NECTIN3: variants seen among roughly 807,000 people sequenced by gnomAD.
NECTIN3 encodes the protein nectin-3.
NECTIN3 carries 8 observed loss-of-function variants against 49.4 expected under a neutral mutation model. The ratio of observed to expected loss-of-function variants is 0.16; its 90% confidence interval spans 0.10 to 0.29. The LOEUF (loss-of-function observed/expected upper bound fraction) is 0.29. Ranked by LOEUF, NECTIN3 falls within the 10% of genes least tolerant of loss-of-function variation. NECTIN3 has a pLI of 1.00. For synonymous variants in NECTIN3, 277 were observed against 241.1 expected, an observed-to-expected ratio of 1.15 and a Z score of -1.38; for missense variants, 581 against 654.6, an observed-to-expected ratio of 0.89 and a Z score of 1.23.
At chr3:111,192,598 G>A (rs1033298405) in intron 1 of NECTIN3, among the ~76,000 whole-genome samples, 2 of 152,070 alleles carry the variant, frequency 1.3e-5, no homozygotes, top group South Asian at 2.1e-4. Context: ...AACCAATAAC[G>A]GGCAGAAGAG....
chr3:111,098,085 A>G (rs2032692859), intron 1 of NECTIN3, among the ~76,000 whole-genome samples: 1 of 152,170 alleles, frequency 6.6e-6, no homozygotes, highest in Non-Finnish European at 1.5e-5. Context: ...TTGAGTTTAT[A>G]ATTATCCTTT....
intron 1 of NECTIN3, 141 bp downstream of exon 1, chr3:111,072,318 C>G (rs2030822480): frequency 7.0e-7 from 1 of 1,432,898 alleles, no homozygotes; most frequent in East Asian, 2.6e-5. Flanking sequence ...TGGCTGGAAA[C>G]TTTTCGCCGC....
intron 1 of NECTIN3, among the ~76,000 whole-genome samples, chr3:111,084,443 T>G (rs1336401282): frequency 6.6e-6 from 1 of 152,184 alleles, no homozygotes; most frequent in African/African-American, 2.4e-5. Context: ...GAGCACTAGG[T>G]CTACTAGAGA....
chr3:111,151,895 A>T (rs2035006934), intron 7 of NECTIN3, among the ~76,000 whole-genome samples: 1 of 151,748 alleles, frequency 6.6e-6, no homozygotes. Context: ...CCATCTACAG[A>T]TAACCACTTT....
At chr3:111,189,584 A>C (rs916347624), upstream of NECTIN3, among the ~76,000 whole-genome samples, 14 of 152,216 alleles carry the variant, frequency 9.2e-5, no homozygotes, top group African/African-American at 3.1e-4. Flanking sequence ...ATGTGAAATC[A>C]TTTCTTAATT....
At chr3:111,090,159 A>G (rs1266314257) in intron 1 of NECTIN3, among the ~76,000 whole-genome samples, 1 of 152,142 alleles carries the variant, frequency 6.6e-6, no homozygotes, top group African/African-American at 2.4e-5. Flanking sequence ...TTTTGTAAGC[A>G]GCAGATATAT....
At chr3:111,191,883 G>A (rs2035819058), upstream of NECTIN3, among the ~76,000 whole-genome samples, 1 of 152,194 alleles carries the variant, frequency 6.6e-6, no homozygotes, top group Non-Finnish European at 1.5e-5. Context: ...CCAGGCTAGA[G>A]TACAGTGGTA....
At chr3:111,186,453 A>G (rs2035721717) in intron 7 of NECTIN3, among the ~76,000 whole-genome samples, 1 of 152,154 alleles carries the variant, frequency 6.6e-6, no homozygotes, top group African/African-American at 2.4e-5. Flanking sequence ...AAAACAAGCA[A>G]TGAGGAAAGG....
Position 111,126,200 on chromosome 3 carries a change from C to T in NECTIN3, c.934C>T (p.Pro312Ser), listed in dbSNP as rs2034156805. The change falls in exon 5 of 6, where the codon CCT becomes TCT. Residue 312 changes from proline to serine, a missense_variant. By Grantham distance (74) the Pro-to-Ser change is moderately conservative. Coordinates refer to ENST00000485303, the MANE Select transcript of NECTIN3 (RefSeq NM_015480.3). ...SVWSRLDGQWPDGLLASDNTL... is the reference protein window; with the variant it reads ...SVWSRLDGQWSDGLLASDNTL... The stretch of plus-strand genomic sequence containing the variant: ...AAAATCTAGGTTGGATGGACAATGG[C>T]CTGATGGTTTATTGGCTTCAGACAA... 1.3e-6 allele frequency: 2 copies of T among 1,592,400 alleles called. No homozygotes were observed. The highest frequency in any genetic ancestry group is 1.7e-6 in the Non-Finnish European group (2 of 1,172,508).
intron 1 of NECTIN3, among the ~76,000 whole-genome samples, chr3:111,102,580 A>G (rs1467584289): frequency 2.0e-5 from 3 of 152,242 alleles, no homozygotes; most frequent in African/African-American, 7.2e-5. Flanking sequence ...AAGATCAGTA[A>G]CTTTAAGCAT....
At chr3:111,074,340 G>GTAAGCAGTACATAGTACT in intron 1 of NECTIN3, 1 of 389,216 alleles carries the variant, frequency 2.6e-6, no homozygotes, top group Admixed American at 2.7e-5. Flanking sequence ...TACAAGGTTT[G>GTAAGCAGTACATAGTACT]GCATGTAATT....
rs1403600433 is a variant in NECTIN3, at chr3:111,136,905, A to G, written c.*2690A>G. 1 of 965,008 alleles carries G rather than the reference A, an allele frequency of 1.0e-6. No homozygotes were observed. Among genetic ancestry groups the G allele is most frequent in the Non-Finnish European group, 1.2e-6 (1 of 811,670 alleles). The allele number at this position is 965,008 out of a possible 1,614,324, so 59.8% of individuals were successfully genotyped here. ...GGGTTAACTTTAAAAGTGATATTTG[A>G]GAAGTGCTTTAGAGTTGAAAGATTT... On this transcript the variant is annotated 3_prime_UTR_variant, in exon 6 of 6. Coordinates refer to ENST00000485303, the MANE Select transcript of NECTIN3 (RefSeq NM_015480.3).
intron 1 of NECTIN3, among the ~76,000 whole-genome samples, chr3:111,084,462 G>C (rs2031811791): frequency 6.6e-6 from 1 of 152,154 alleles, no homozygotes; most frequent in South Asian, 2.1e-4. Flanking sequence ...GACTATTCTA[G>C]GTACTGTGAA....
intron 2 of NECTIN3, among the ~76,000 whole-genome samples, chr3:111,115,318 A>G (rs1219956900): frequency 6.6e-6 from 1 of 152,218 alleles, no homozygotes; most frequent in Non-Finnish European, 1.5e-5. Flanking sequence ...ATTATAGAGT[A>G]GGACCACGTT....
chr3:111,111,856 C>G lies in NECTIN3; in HGVS notation c.161-174C>G, dbSNP rs1442815970. On this transcript the variant is annotated intron_variant, in intron 1 of 5. Transcript: ENST00000485303. ...CATTTCTTTTTGTTACTCAGTTGTA[C>G]GTTTTGTGTGTGGTGCGTGTGAGTG... Among the ~76,000 whole-genome samples, 7 of 150,620 alleles carry G rather than the reference C, an allele frequency of 4.6e-5. No individual in the cohort carries two copies. In the East Asian group the frequency reaches 1.4e-3, roughly 30 times the overall value.
At chr3:111,180,497 C>A (rs774406802) in intron 7 of NECTIN3, among the ~76,000 whole-genome samples, 7 of 152,078 alleles carry the variant, frequency 4.6e-5, no homozygotes, top group Non-Finnish European at 1.0e-4. Flanking sequence ...AGTTGCTGAT[C>A]CTGAAACAAA....
intron 5 of NECTIN3, among the ~76,000 whole-genome samples, chr3:111,143,748 T>C (rs1279662996): frequency 6.6e-6 from 1 of 151,984 alleles, no homozygotes; most frequent in Non-Finnish European, 1.5e-5. Context: ...AACAAAAACA[T>C]TCTTCTCTTC....
At chr3:111,158,690 A>AAC (rs1203741073) in intron 7 of NECTIN3, among the ~76,000 whole-genome samples, 2 of 151,878 alleles carry the variant, frequency 1.3e-5, no homozygotes, top group South Asian at 2.1e-4. Flanking sequence ...TTCACACACA[A>AAC]ACACACACAC....
At chr3:111,074,358 G>T in intron 1 of NECTIN3, 1 of 363,482 alleles carries the variant, frequency 2.8e-6, no homozygotes, top group South Asian at 2.0e-5. Flanking sequence ...ATTAATATTT[G>T]CGTGGAGCCA....
Sources: allele counts gnomAD v4.1 joint callset (sites outside exome capture counted in the v4.1 genomes callset), GRCh38; gene constraint gnomAD v4.1.1; transcripts MANE v1.5; gene names NCBI Gene and HGNC (gene_info 2026-07-23, HGNC 2026-07-21).